The following ASXL1 variants were observed in gnomAD, a reference collection of about 807,000 sequenced individuals.
ASXL1 encodes the protein polycomb group protein ASXL1.
Under a neutral mutation model 89.1 loss-of-function variants are expected in ASXL1, and 65 were observed. The ratio of observed to expected loss-of-function variants is 0.73; its 90% CI spans 0.60 to 0.90. The LOEUF is 0.90. ASXL1 is among the 40% of genes least tolerant of loss of function. The pLI is 0.00. For missense variants in ASXL1, 1,786 were observed against 1,942.9 expected (o/e 0.92, Z 1.52); for synonymous variants, 739 against 746.9 (o/e 0.99, Z 0.17).
chr20:32,433,864 C>T lies in ASXL1; in HGVS notation c.1666C>T (p.His556Tyr), dbSNP rs1164774013. 2 of 1,613,900 alleles carry T rather than the reference C, an allele frequency of 1.2e-6. No individual in the cohort carries two copies. Among genetic ancestry groups the T allele is most frequent in the South Asian group, 1.1e-5 (1 of 91,074 alleles). ...QSFRNTIESV[H>Y]TEKPQPTKEE... ...CTTTCGTAACACAATTGAAAGTGTT[C>T]ACACCGAAAAGCCACAGCCCACTAA... The change falls in exon 12 of 13, where the codon CAC becomes TAC. Residue 556 changes from histidine to tyrosine, a missense_variant. Physicochemically the swap from His to Tyr is moderately conservative, Grantham distance 83 (BLOSUM62 2). Transcript: ENST00000375687.
chr20:32,421,493 T>G (rs2123165505), intron 4 of ASXL1, among the ~76,000 whole-genome samples: 1 of 152,256 alleles, frequency 6.6e-6, no homozygotes, highest in East Asian at 1.9e-4. Flanking sequence ...TTCATCCATC[T>G]TATGACTCGG....
chr20:32,378,534 CTACTT>C lies in ASXL1; in HGVS notation c.252+9413_252+9417del, dbSNP rs569294703. 1.9e-3 allele frequency among the ~76,000 whole-genome samples: 283 copies of C among 152,230 alleles called. 3 individuals are homozygous for C. Among genetic ancestry groups the C allele is most frequent in the African/African-American group, 6.5e-3 (269 of 41,552 alleles). On this transcript the variant is annotated intron_variant, in intron 4 of 12. Coordinates refer to ENST00000375687, the MANE Select transcript of ASXL1 (RefSeq NM_015338.6). Reference sequence around the variant, plus strand: ...GTGGTGGGATAGGTGAAAATTATCTCTACTTTGAGTTCTTGATTTGAATTCTTTTT... The same window carrying C: ...GTGGTGGGATAGGTGAAAATTATCTCTGAGTTCTTGATTTGAATTCTTTTT...
chr20:32,403,621 C>A (rs2048910703), intron 4 of ASXL1, among the ~76,000 whole-genome samples: 1 of 152,038 alleles, frequency 6.6e-6, no homozygotes, highest in African/African-American at 2.4e-5. Context: ...CACCCTGTTG[C>A]CCATGTTGGT....
At chr20:32,384,624 G>T (rs1045626301) in intron 4 of ASXL1, among the ~76,000 whole-genome samples, 2 of 152,210 alleles carry the variant, frequency 1.3e-5, no homozygotes, top group Non-Finnish European at 2.9e-5. Context: ...TTCCTAGCTA[G>T]CTCTGGGAGA....
chr20:32,421,961 C>T (rs1483984595), intron 4 of ASXL1, among the ~76,000 whole-genome samples: 2 of 150,138 alleles, frequency 1.3e-5, no homozygotes, highest in Non-Finnish European at 3.0e-5. Context: ...CTCCGCCTCC[C>T]GGGTTCATGC....
intron 4 of ASXL1, among the ~76,000 whole-genome samples, chr20:32,408,013 C>T (rs1007980139): frequency 6.6e-6 from 1 of 152,170 alleles, no homozygotes; most frequent in African/African-American, 2.4e-5. Context: ...TCTTGGCTCA[C>T]TGCAATCTCC....
chr20:32,413,657 A>C (rs2049087737), intron 4 of ASXL1, among the ~76,000 whole-genome samples: 1 of 152,156 alleles, frequency 6.6e-6, no homozygotes, highest in East Asian at 1.9e-4. Context: ...CCCGGGGTGT[A>C]GGACTTTCAG....
intron 4 of ASXL1, among the ~76,000 whole-genome samples, chr20:32,414,149 T>C (rs2049097142): frequency 6.6e-6 from 1 of 152,180 alleles, no homozygotes; most frequent in African/African-American, 2.4e-5. Flanking sequence ...GTGGAATGGG[T>C]CTTTTTCATT....
intron 4 of ASXL1, among the ~76,000 whole-genome samples, chr20:32,371,452 A>AT (rs1190012648): frequency 6.6e-6 from 1 of 151,420 alleles, no homozygotes; most frequent in African/African-American, 2.4e-5. Flanking sequence ...TGCCTGGCTA[A>AT]TTTTTTGTAT....
intron 4 of ASXL1, among the ~76,000 whole-genome samples, chr20:32,373,443 G>C (rs1396287008): frequency 6.6e-6 from 1 of 152,200 alleles, no homozygotes; most frequent in Admixed American, 6.5e-5. Context: ...CTCAGAGCCA[G>C]AATGAAGGAT....
intron 4 of ASXL1, among the ~76,000 whole-genome samples, chr20:32,421,751 GAAT>G (rs1020667667): frequency 6.6e-6 from 1 of 151,868 alleles, no homozygotes; most frequent in Non-Finnish European, 1.5e-5. Context: ...AGATACAAAA[GAAT>G]ATATATGTAT....
At chr20:32,430,231 A>T in intron 8 of ASXL1, 178 bp downstream of exon 8, 1 of 828,240 alleles carries the variant, frequency 1.2e-6, no homozygotes, top group Non-Finnish European at 1.8e-6. Flanking sequence ...CTCTCTGCTA[A>T]ACTGTGAGAA....
chr20:32,411,649 C>A (rs1407532986), intron 4 of ASXL1, among the ~76,000 whole-genome samples: 1 of 149,396 alleles, frequency 6.7e-6, no homozygotes, highest in Non-Finnish European at 1.5e-5. Flanking sequence ...TCAAGTGATT[C>A]TCCTGCCTCA....
rs2295763 is a variant in ASXL1 at position 32,437,428 on chromosome 20, T to G, written c.*90T>G. 1.3e-6 allele frequency: 2 copies of G among 1,563,794 alleles called. No individual in the cohort carries two copies. ...ATCTGTATACAGAATATCATTGATA[T>G]AATACTCTTTAGGCAGGAGCACTCT... On this transcript the variant is annotated 3_prime_UTR_variant, in exon 13 of 13. Coordinates refer to ENST00000375687, the MANE Select transcript of ASXL1 (RefSeq NM_015338.6).
intron 4 of ASXL1, among the ~76,000 whole-genome samples, chr20:32,419,120 C>T (rs1210230580): frequency 1.3e-5 from 2 of 151,614 alleles, no homozygotes; most frequent in African/African-American, 2.4e-5. Context: ...CTTGAGCCAC[C>T]ATGCCCAGCC....
At chr20:32,388,286 T>G (rs2048614364) in intron 4 of ASXL1, among the ~76,000 whole-genome samples, 1 of 152,198 alleles carries the variant, frequency 6.6e-6, no homozygotes, top group Admixed American at 6.5e-5. Context: ...GCAATTCTCC[T>G]GCCTCAGCCT....
Position 32,436,001 on chromosome 20 carries a change from C to T in ASXL1, c.3289C>T (p.Pro1097Ser), listed in dbSNP as rs1319593119. ...YQPRAVCLSMPGSSVEATNPL... is the reference protein window; with the variant it reads ...YQPRAVCLSMSGSSVEATNPL... Reference sequence around the variant, plus strand: ...GCCAAGAGCCGTGTGCCTGTCCATGCCTGGGTCCTCAGTGGAGGCCACTAA... The same window carrying T: ...GCCAAGAGCCGTGTGCCTGTCCATGTCTGGGTCCTCAGTGGAGGCCACTAA... Residue 1097 changes from proline (P) to serine (S), a missense_variant, in exon 13 of 13, where the codon CCT becomes TCT. Pro to Ser is a moderately conservative substitution (Grantham distance 74, BLOSUM62 -1). Around this residue, in one of 3 missense-constraint regions of ASXL1, gnomAD observed 1,418 missense variants for 1,427.8 expected, o/e 0.99. Transcript: ENST00000375687. 7 of 1,614,142 alleles carry T rather than the reference C, an allele frequency of 4.3e-6. No homozygotes were observed. The highest frequency in any genetic ancestry group is 5.9e-6 in the Non-Finnish European group (7 of 1,180,038).
At chr20:32,369,792 G>A (rs1307123167) in intron 4 of ASXL1, among the ~76,000 whole-genome samples, 13 of 140,836 alleles carry the variant, frequency 9.2e-5, no homozygotes, top group Admixed American at 8.6e-4. Flanking sequence ...GCAGTGGTGC[G>A]ATCTCAGCTC....
Position 32,433,813 on chromosome 20 carries a change from A to T in ASXL1, c.1615A>T (p.Lys539Ter), listed in dbSNP as rs2123268711. Residue 539 changes from lysine to a stop codon, truncating the protein, a stop_gained, in exon 12 of 13, where the codon AAG (lysine) becomes TAG (stop). Coordinates refer to ENST00000375687, the MANE Select transcript of ASXL1 (RefSeq NM_015338.6). LOFTEE classifies it high-confidence loss of function. ...GGCCTCTGCATCCTTTCCCGAAAAG[A>T]AGCCCCGGCTTGAAGATCGTCAGTC... ...QAASASFPEK[K>*]PRLEDRQSFR... is the part of the protein sequence containing the mutation. 1.2e-6 allele frequency: 2 copies of T among 1,614,160 alleles called. No individual in the cohort carries two copies. The highest frequency in any genetic ancestry group is 1.7e-6 in the Non-Finnish European group (2 of 1,180,040).
Sources: allele counts gnomAD v4.1 joint callset (sites outside exome capture counted in the v4.1 genomes callset), GRCh38; gene constraint gnomAD v4.1.1; regional missense constraint gnomAD v4.1.1; transcripts MANE v1.5; gene names NCBI Gene and HGNC (gene_info 2026-07-23, HGNC 2026-07-21).